The following DNAAF10 variants were observed in gnomAD, a reference collection of about 807,000 sequenced individuals.
DNAAF10 encodes the protein WD repeat domain 92.
DNAAF10 carries 28 observed loss-of-function variants against 43.7 expected under a neutral mutation model. The observed-to-expected ratio is 0.64, with a 90% CI of 0.48 to 0.88. DNAAF10 has a LOEUF of 0.88. Among genes scored for constraint, DNAAF10 ranks in the 40% least tolerant of loss-of-function variants. The probability of loss-of-function intolerance (pLI) is 0.00; values close to 1 mark genes in which losing one functional copy is unlikely to be tolerated. For synonymous variants in DNAAF10, 156 were observed against 157.3 expected (o/e 0.99, Z 0.06); for missense variants, 403 against 439.1 (o/e 0.92, Z 0.73).
At chr2:68,151,243 C>T (rs889194694) in intron 1 of DNAAF10, among the ~76,000 whole-genome samples, 2 of 152,318 alleles carry the variant, frequency 1.3e-5, no homozygotes, top group East Asian at 3.9e-4. Flanking sequence ...GCCTTCTCTA[C>T]TAATTCCAGC....
chr2:68,147,388 CTCTT>C, intron 2 of DNAAF10, 75 bp downstream of exon 2: 1 of 1,069,366 alleles, frequency 9.4e-7, no homozygotes, highest in Non-Finnish European at 1.4e-6. Flanking sequence ...TTAAAATTCT[CTCTT>C]TCAGAGAAAG....
chr2:68,137,594 C>T (rs1673074164), intron 5 of DNAAF10, among the ~76,000 whole-genome samples, 161 bp from the exon 6 acceptor site: 1 of 152,184 alleles, frequency 6.6e-6, no homozygotes, highest in South Asian at 2.1e-4. Context: ...TCCAGCCAGG[C>T]GCGGTGGCTT....
chr2:68,152,289 T>C (rs1231138252), intron 1 of DNAAF10, among the ~76,000 whole-genome samples: 3 of 152,192 alleles, frequency 2.0e-5, no homozygotes, highest in Non-Finnish European at 4.4e-5. Flanking sequence ...AGAACCAAAT[T>C]AAACTCAAAC....
chr2:68,148,541 CCCG>C (rs1435728526), intron 1 of DNAAF10, among the ~76,000 whole-genome samples: 17 of 152,262 alleles, frequency 1.1e-4, no homozygotes, highest in East Asian at 1.9e-4. Flanking sequence ...CATGGCCCCT[CCCG>C]CCGCCAACTC....
intron 4 of DNAAF10, among the ~76,000 whole-genome samples, chr2:68,139,843 T>C (rs982417778): frequency 6.6e-6 from 1 of 151,726 alleles, no homozygotes; most frequent in African/African-American, 2.4e-5. Context: ...CTACTATATC[T>C]GCAAAGGCTA....
At chr2:68,151,740 CTG>C (rs914335657) in intron 1 of DNAAF10, among the ~76,000 whole-genome samples, 2 of 152,202 alleles carry the variant, frequency 1.3e-5, no homozygotes, top group African/African-American at 4.8e-5. Context: ...TTCTGACAAA[CTG>C]TTCAGTTTCT....
intron 6 of DNAAF10, 103 bp from the exon 7 acceptor site, chr2:68,134,902 A>G: frequency 7.8e-7 from 1 of 1,282,360 alleles, no homozygotes; most frequent in East Asian, 2.5e-5. Flanking sequence ...TTCAATGGTT[A>G]TAAAAGTAAT....
At chr2:68,137,922 C>T (rs867244612) in intron 5 of DNAAF10, among the ~76,000 whole-genome samples, 14 of 145,508 alleles carry the variant, frequency 9.6e-5, no homozygotes, top group Admixed American at 2.8e-4. Context: ...CGCCTGTAAT[C>T]CCAGCACTTT....
Position 68,130,115 on chromosome 2 carries a change from G to GAGAGAGAGATATATATATATATATAT in DNAAF10, c.*1122_*1123insATATATATATATATATATCTCTCTCT, listed in dbSNP as rs1453152500. 47 of 132,922 alleles carry GAGAGAGAGATATATATATATATATAT rather than the reference G, an allele frequency of 3.5e-4. No homozygotes were observed. Among genetic ancestry groups the GAGAGAGAGATATATATATATATATAT allele is most frequent in the African/African-American group, 1.3e-3 (44 of 34,286 alleles). 8.2% of individuals were successfully genotyped at this position (132,922 alleles called of 1,614,324 possible). On this transcript the variant is annotated 3_prime_UTR_variant, in exon 8 of 8. Coordinates refer to ENST00000295121, the MANE Select transcript of DNAAF10 (RefSeq NM_138458.4). ...CAACCGTGCCGTTTTGAGAGAGAGA[G>GAGAGAGAGATATATATATATATATAT]ATATATATATATATATTTGTTTTTT...
chr2:68,144,659 A>G lies in DNAAF10; in HGVS notation c.341T>C (p.Ile114Thr). The G allele has an allele frequency of 1.9e-6, 3 of 1,614,026 alleles. No individual in the cohort carries two copies. The highest frequency in any genetic ancestry group is 2.5e-6 in the Non-Finnish European group (3 of 1,179,996). Residue 114 changes from isoleucine (I) to threonine (T), a missense_variant, in exon 3 of 8, where the codon ATA (isoleucine) becomes ACA (threonine). Coordinates refer to ENST00000295121, the MANE Select transcript of DNAAF10 (RefSeq NM_138458.4). ...TCCACCTATGCCATCTATGGCATTTATAATTTCTTTATGGCCCTTTACAGA... is the reference window on the plus strand; with the variant it reads ...TCCACCTATGCCATCTATGGCATTTGTAATTTCTTTATGGCCCTTTACAGA... ...VYSVKGHKEI[I>T]NAIDGIGGLG...
intron 1 of DNAAF10, 145 bp downstream of exon 1, chr2:68,157,116 C>T (rs1673642669): frequency 9.0e-7 from 1 of 1,105,070 alleles, no homozygotes; most frequent in African/African-American, 1.6e-5. Context: ...AAACATTCCT[C>T]AGTCGGCGGT....
intron 4 of DNAAF10, among the ~76,000 whole-genome samples, chr2:68,139,508 T>C (rs1212793995): frequency 6.6e-6 from 1 of 151,924 alleles, no homozygotes; most frequent in Non-Finnish European, 1.5e-5. Flanking sequence ...GCTCATTCAC[T>C]GTAATTCCAT....
intron 1 of DNAAF10, among the ~76,000 whole-genome samples, chr2:68,154,042 G>C (rs778488664): frequency 6.6e-6 from 1 of 150,864 alleles, no homozygotes. Flanking sequence ...TGTGAGCACC[G>C]CGCCCAGCCC....
At position 68,131,020 on chromosome 2, in the gene DNAAF10, A is replaced by G; in HGVS notation, c.*218T>C. 2 of 382,330 alleles carry G rather than the reference A, an allele frequency of 5.2e-6. No homozygotes were observed. The highest frequency in any genetic ancestry group is 5.2e-5 in the South Asian group (2 of 38,594). 23.7% of individuals were successfully genotyped at this position (382,330 alleles called of 1,614,324 possible). On this transcript the variant is annotated 3_prime_UTR_variant, in exon 8 of 8. Transcript: ENST00000295121. ...AACCTCCGCCTCCCGGGTTCACGCC[A>G]TTCTCCTGCCTCAGCCTCCCAAGTA...
intron 3 of DNAAF10, among the ~76,000 whole-genome samples, chr2:68,142,862 T>C (rs1020875648): frequency 6.6e-6 from 1 of 152,062 alleles, no homozygotes; most frequent in Non-Finnish European, 1.5e-5. Context: ...TAAAATAAAG[T>C]TGATCATTAA....
chr2:68,135,754 G>C (rs954989598), intron 6 of DNAAF10, among the ~76,000 whole-genome samples: 2 of 152,172 alleles, frequency 1.3e-5, no homozygotes, highest in African/African-American at 2.4e-5. Flanking sequence ...CAGTCTCTCA[G>C]TGATTAGGTT....
At chr2:68,138,720 A>T in intron 5 of DNAAF10, 22 bp downstream of exon 5, 1 of 1,562,330 alleles carries the variant, frequency 6.4e-7, no homozygotes, top group Non-Finnish European at 8.8e-7. Flanking sequence ...GAGAAACCAA[A>T]AAGCCTCAGA....
intron 1 of DNAAF10, among the ~76,000 whole-genome samples, chr2:68,151,466 C>T (rs1459106578): frequency 1.3e-5 from 2 of 152,226 alleles, no homozygotes; most frequent in Admixed American, 6.5e-5. Flanking sequence ...TACTGTCACT[C>T]ACCCTGTTTA....
At chr2:68,136,740 C>G (rs996186128) in intron 6 of DNAAF10, among the ~76,000 whole-genome samples, 79 of 152,132 alleles carry the variant, frequency 5.2e-4, no homozygotes. Context: ...TTTCCCTTTG[C>G]CCTGCTTTCC....
Sources: gnomAD v4.1 joint callset for allele counts (sites outside exome capture counted in the v4.1 genomes callset) on GRCh38, gnomAD v4.1.1 for gene constraint, MANE v1.5 for transcripts, NCBI Gene and HGNC (gene_info 2026-07-23, HGNC 2026-07-21) for gene names.